Variants in NSMAF observed in about 807,000 individuals in gnomAD.
The protein encoded by NSMAF is neutral sphingomyelinase activation associated factor, also known as protein FAN.
NSMAF carries 90 observed loss-of-function variants against 134.9 expected under a neutral mutation model. The observed-to-expected ratio is 0.67, with a 90% CI of 0.56 to 0.79. The LOEUF is 0.79. NSMAF is among the 30% of genes least tolerant of loss of function. NSMAF has a pLI of 0.00. For synonymous variants in NSMAF, 358 were observed against 389.6 expected, an observed-to-expected ratio of 0.92 and a Z score of 0.96; for missense variants, 1,010 against 1,119.0, an observed-to-expected ratio of 0.90 and a Z score of 1.39.
intron 19 of NSMAF, among the ~76,000 whole-genome samples, chr8:58,598,587 G>A (rs944243507): frequency 2.0e-5 from 3 of 151,970 alleles, no homozygotes; most frequent in African/African-American, 7.3e-5. Flanking sequence ...CTATCACACT[G>A]TAATAGAGTT....
chr8:58,632,318 C>G (rs1166837791), intron 5 of NSMAF, among the ~76,000 whole-genome samples: 1 of 152,150 alleles, frequency 6.6e-6, no homozygotes, highest in African/African-American at 2.4e-5. Context: ...CAAGGGCTGT[C>G]TGTACCTTCC....
At chr8:58,591,045 C>T in intron 23 of NSMAF, 111 bp from the exon 24 acceptor site, 1 of 1,234,372 alleles carries the variant, frequency 8.1e-7, no homozygotes, top group Non-Finnish European at 1.1e-6. Context: ...CTTTATACTC[C>T]AAAGTATAAT....
At chr8:58,628,018 G>A (rs1806975285) in intron 6 of NSMAF, among the ~76,000 whole-genome samples, 1 of 152,054 alleles carries the variant, frequency 6.6e-6, no homozygotes, top group Non-Finnish European at 1.5e-5. Context: ...AAATAGCATG[G>A]GGCTAGTATA....
At position 58,659,702 on chromosome 8, in the gene NSMAF, G is replaced by T. The variant is rs567719461; in HGVS notation, c.-71C>A. The T allele has an allele frequency of 4.9e-4, 611 of 1,238,738 alleles. 6 individuals carry two copies. In the African/African-American group the frequency reaches 7.9e-3, roughly 16 times the overall value. The allele number at this position is 1,238,738 out of a possible 1,614,324, so 76.7% of individuals were successfully genotyped here. ...CGCCGCCTGCCGAGGAGGTCCGGAGGAGCCGGGGAGGGCGGGATTGGTGGC... is the reference window on the plus strand; with the variant it reads ...CGCCGCCTGCCGAGGAGGTCCGGAGTAGCCGGGGAGGGCGGGATTGGTGGC... On this transcript the variant is annotated 5_prime_UTR_variant, in exon 1 of 31. Coordinates refer to ENST00000038176, the MANE Select transcript of NSMAF (RefSeq NM_003580.4).
chr8:58,586,118 C>T (rs1318937061), intron 28 of NSMAF, 118 bp from the exon 29 acceptor site: 13 of 826,770 alleles, frequency 1.6e-5, no homozygotes, highest in African/African-American at 1.2e-4. Flanking sequence ...CTTCAAAATC[C>T]TTGTACTTAA....
At chr8:58,606,151 C>T in intron 11 of NSMAF, 116 bp from the exon 12 acceptor site, 1 of 875,126 alleles carries the variant, frequency 1.1e-6, no homozygotes, top group South Asian at 2.0e-5. Context: ...ATTTTTATAA[C>T]TTATATTCCT....
chr8:58,604,199 CA>C (rs1363706343), intron 12 of NSMAF, among the ~76,000 whole-genome samples: 5 of 152,096 alleles, frequency 3.3e-5, no homozygotes, highest in African/African-American at 1.2e-4. Flanking sequence ...CTTCAAAAAT[CA>C]AAACACACTT....
chr8:58,630,299 C>T (rs1807027874), intron 6 of NSMAF, among the ~76,000 whole-genome samples: 1 of 151,620 alleles, frequency 6.6e-6, no homozygotes, highest in African/African-American at 2.4e-5. Flanking sequence ...CATCTTGCTG[C>T]TGTCATTCCA....
intron 16 of NSMAF, among the ~76,000 whole-genome samples, chr8:58,600,770 G>GTAA (rs36053026): frequency 0.48 from 73,189 of 151,626 alleles, 18,855 homozygotes; most frequent in Middle Eastern, 0.61. Context: ...AGTGTGGTGG[G>GTAA]ATACCAAGTA....
chr8:58,645,738 G>T (rs1481271636), intron 1 of NSMAF, among the ~76,000 whole-genome samples: 1 of 151,992 alleles, frequency 6.6e-6, no homozygotes, highest in Non-Finnish European at 1.5e-5. Flanking sequence ...CAGAAGAGAT[G>T]CTCATCAAAA....
At chr8:58,624,640 T>G (rs1029002653) in intron 6 of NSMAF, among the ~76,000 whole-genome samples, 2 of 152,202 alleles carry the variant, frequency 1.3e-5, no homozygotes, top group Non-Finnish European at 1.5e-5. Flanking sequence ...CCTCTTAAAT[T>G]TGTTAGGACT....
At chr8:58,640,134 G>A (rs770796924) in intron 2 of NSMAF, 3 of 452,924 alleles carry the variant, frequency 6.6e-6, no homozygotes, top group South Asian at 4.7e-5. Context: ...ATTGACTACA[G>A]TCCATACCAC....
At chr8:58,646,178 G>C (rs1480773608) in intron 1 of NSMAF, among the ~76,000 whole-genome samples, 1 of 152,132 alleles carries the variant, frequency 6.6e-6, no homozygotes, top group Non-Finnish European at 1.5e-5. Flanking sequence ...CTAAATCCAT[G>C]AACAAGAATC....
chr8:58,657,913 G>A (rs935360469), intron 1 of NSMAF, among the ~76,000 whole-genome samples: 2 of 152,296 alleles, frequency 1.3e-5, no homozygotes, highest in South Asian at 4.1e-4. Flanking sequence ...TTCTAACAAA[G>A]CAGCATATAC....
chr8:58,630,140 A>G (rs1027971259), intron 6 of NSMAF, among the ~76,000 whole-genome samples: 1 of 152,102 alleles, frequency 6.6e-6, no homozygotes, highest in African/African-American at 2.4e-5. Context: ...AAATTTTTAT[A>G]CCGGCTTTGA....
chr8:58,595,770 C>A, intron 21 of NSMAF, 111 bp from the exon 22 acceptor site: 1 of 698,146 alleles, frequency 1.4e-6, no homozygotes. Context: ...ATGAAACACC[C>A]TGTCACAATA....
At chr8:58,597,975 CA>C in intron 19 of NSMAF, 73 bp from the exon 20 acceptor site, 1 of 1,087,372 alleles carries the variant, frequency 9.2e-7, no homozygotes, top group Non-Finnish European at 1.4e-6. Context: ...AGAACCTAAA[CA>C]ATGCAACAAC....
At chr8:58,594,619 A>C in intron 22 of NSMAF, 2 of 306,010 alleles carry the variant, frequency 6.5e-6, no homozygotes. Context: ...AAAAGGACAA[A>C]CTCTTCTTCA....
At chr8:58,645,446 T>C (rs1807424502) in intron 1 of NSMAF, among the ~76,000 whole-genome samples, 1 of 152,112 alleles carries the variant, frequency 6.6e-6, no homozygotes, top group Admixed American at 6.5e-5. Flanking sequence ...ACATTAGTTT[T>C]GGAAAAAACT....
Sources: allele counts gnomAD v4.1 joint callset (sites outside exome capture counted in the v4.1 genomes callset), GRCh38; gene constraint gnomAD v4.1.1; transcripts MANE v1.5; gene names NCBI Gene and HGNC (gene_info 2026-07-23, HGNC 2026-07-21).